SCHIP1: variants seen among roughly 807,000 people sequenced by gnomAD.
SCHIP1 encodes the protein schwannomin interacting protein 1, also known as schwannomin-interacting protein 1.
In SCHIP1, 8 loss-of-function variants were observed where a neutral mutation model predicts 29.7. The ratio of observed to expected loss-of-function variants is 0.27; its 90% CI spans 0.16 to 0.49. The LOEUF is 0.49. SCHIP1 is among the 20% of genes least tolerant of loss of function. The pLI, the probability that SCHIP1 is intolerant of heterozygous loss-of-function variation, is 0.99. For synonymous variants in SCHIP1, 76 were observed against 94.9 expected (o/e 0.80, Z 1.16); for missense variants, 193 against 294.6 (o/e 0.66, Z 2.52).
At chr3:159,873,268 G>A (rs921932004) in intron 2 of SCHIP1, among the ~76,000 whole-genome samples, 1 of 152,168 alleles carries the variant, frequency 6.6e-6, no homozygotes, top group Non-Finnish European at 1.5e-5. Context: ...ACTTTTTAAG[G>A]CAGGGCCTAC....
At chr3:159,737,367 C>T in the SCHIP1 span, among the ~76,000 whole-genome samples, 4 of 152,156 alleles carry the variant, frequency 2.6e-5, no homozygotes, top group Non-Finnish European at 5.9e-5. Context: ...TAGGTCTCGA[C>T]TGGGGCCGGA....
the SCHIP1 span, among the ~76,000 whole-genome samples, chr3:159,663,084 G>A: frequency 6.6e-6 from 1 of 152,194 alleles, no homozygotes; most frequent in Non-Finnish European, 1.5e-5. Context: ...GGTTGGAATA[G>A]GAAGTGGGTT....
the SCHIP1 span, chr3:159,375,859 C>T: frequency 1.9e-6 from 1 of 532,340 alleles, no homozygotes; most frequent in Non-Finnish European, 2.4e-6. Flanking sequence ...AAGTCAGGCA[C>T]TAAGGAAAAC....
the SCHIP1 span, among the ~76,000 whole-genome samples, chr3:159,744,743 C>T: frequency 5.9e-5 from 9 of 152,172 alleles, no homozygotes; most frequent in Middle Eastern, 3.4e-3. Flanking sequence ...TTTGGGAGGC[C>T]GAGGCGGGTG....
the SCHIP1 span, among the ~76,000 whole-genome samples, chr3:159,470,430 A>G: frequency 6.6e-6 from 1 of 152,186 alleles, no homozygotes; most frequent in Non-Finnish European, 1.5e-5. Context: ...TGAATACACA[A>G]AAATCTGCTA....
At chr3:159,740,761 CAAAAAAAAAGAAAAAAAAAAA>C in the SCHIP1 span, among the ~76,000 whole-genome samples, 1 of 14,344 alleles carries the variant, frequency 7.0e-5, no homozygotes. Context: ...ATTGTATATT[CAAAAAAAAAGAAAAAAAAAAA>C]AAAAAAAAAG....
At chr3:159,774,978 G>T in the SCHIP1 span, among the ~76,000 whole-genome samples, 1 of 151,700 alleles carries the variant, frequency 6.6e-6, no homozygotes, top group East Asian at 1.9e-4. Context: ...ATTTCTCAGA[G>T]TCTCTTCTTA....
chr3:159,573,177 T>C, the SCHIP1 span, among the ~76,000 whole-genome samples: 2 of 152,208 alleles, frequency 1.3e-5, 1 homozygote, highest in South Asian at 4.1e-4. Flanking sequence ...ATTATTTTGC[T>C]CATTAATTGA....
the SCHIP1 span, among the ~76,000 whole-genome samples, chr3:159,707,750 A>T: frequency 6.6e-6 from 1 of 152,164 alleles, no homozygotes; most frequent in Non-Finnish European, 1.5e-5. Flanking sequence ...TAGATCAAAG[A>T]ATTGTTCTAG....
the SCHIP1 span, among the ~76,000 whole-genome samples, chr3:159,393,154 G>A: frequency 6.6e-6 from 1 of 152,070 alleles, no homozygotes; most frequent in Non-Finnish European, 1.5e-5. Context: ...ACTTTTTGAT[G>A]GGGTTGTTTG....
the SCHIP1 span, among the ~76,000 whole-genome samples, chr3:159,392,631 A>G: frequency 6.6e-6 from 1 of 152,076 alleles, no homozygotes; most frequent in Non-Finnish European, 1.5e-5. Flanking sequence ...GTCCCTACAA[A>G]GGACATGAAC....
chr3:159,624,207 T>C, the SCHIP1 span, among the ~76,000 whole-genome samples: 1 of 152,208 alleles, frequency 6.6e-6, no homozygotes, highest in Non-Finnish European at 1.5e-5. Context: ...CTCTAAAATA[T>C]GTTCCATTAA....
the SCHIP1 span, among the ~76,000 whole-genome samples, chr3:159,435,668 T>A: frequency 6.6e-6 from 1 of 152,160 alleles, no homozygotes; most frequent in Admixed American, 6.6e-5. Flanking sequence ...GTAAATGTAG[T>A]TCTTCATTAA....
At chr3:159,302,157 T>C in the SCHIP1 span, among the ~76,000 whole-genome samples, 119,458 of 152,134 alleles carry the variant, frequency 0.79, 48,093 homozygotes, top group African/African-American at 0.94. Flanking sequence ...GCTATGCTTG[T>C]ATATTGGTTG....
the SCHIP1 span, among the ~76,000 whole-genome samples, chr3:159,696,333 C>T: frequency 1.3e-5 from 2 of 152,148 alleles, no homozygotes; most frequent in African/African-American, 4.8e-5. Context: ...TGACTGTTTT[C>T]TCTACTTGGA....
the SCHIP1 span, among the ~76,000 whole-genome samples, chr3:159,578,976 G>A: frequency 5.9e-5 from 9 of 152,046 alleles, no homozygotes; most frequent in Non-Finnish European, 1.5e-5. Flanking sequence ...TCTTGGCGGG[G>A]ATTTTGTCTA....
the SCHIP1 span, among the ~76,000 whole-genome samples, chr3:159,282,261 A>G: frequency 6.6e-6 from 1 of 152,020 alleles, no homozygotes; most frequent in Non-Finnish European, 1.5e-5. Flanking sequence ...AATTTAATAG[A>G]TTGAAAGTGG....
At chr3:159,665,546 T>TTGTGTGTGTGTGTGTGTGTGTG in the SCHIP1 span, among the ~76,000 whole-genome samples, 8 of 147,564 alleles carry the variant, frequency 5.4e-5, no homozygotes, top group African/African-American at 2.0e-4. Context: ...GTTTTTGGGG[T>TTGTGTGTGTGTGTGTGTGTGTG]TGTGTGTGTG....
At chr3:159,385,356 G>A in the SCHIP1 span, among the ~76,000 whole-genome samples, 3 of 152,190 alleles carry the variant, frequency 2.0e-5, no homozygotes, top group South Asian at 2.1e-4. Flanking sequence ...CCAGGAGTTC[G>A]AGACCAGCCT....
Sources: gnomAD v4.1 joint callset for allele counts (sites outside exome capture counted in the v4.1 genomes callset) on GRCh38, gnomAD v4.1.1 for gene constraint, MANE v1.5 for transcripts, NCBI Gene and HGNC (gene_info 2026-07-23, HGNC 2026-07-21) for gene names.